Variants in UNC80 observed in about 807,000 individuals in gnomAD.
The protein encoded by UNC80 is protein unc-80 homolog.
Under a neutral mutation model 384.6 loss-of-function variants are expected in UNC80, and 164 were observed. That is an observed-to-expected ratio of 0.43 (90% CI 0.38 to 0.49). The LOEUF (loss-of-function observed/expected upper bound fraction) is 0.49. Among genes scored for constraint, UNC80 ranks in the 20% least tolerant of loss-of-function variants. The probability of loss-of-function intolerance (pLI) is 0.00; values close to 1 mark genes in which losing one functional copy is unlikely to be tolerated. For missense variants in UNC80, 3,330 were observed against 4,143.0 expected (o/e 0.80, Z 5.39); for synonymous variants, 1,486 against 1,527.8 (o/e 0.97, Z 0.64).
At position 209,939,586 on chromosome 2, in the gene UNC80, C is replaced by G; in HGVS notation, c.6580C>G (p.Leu2194Val). The G allele has an allele frequency of 6.4e-7, 1 of 1,551,932 alleles. No homozygotes were observed. Among genetic ancestry groups the G allele is most frequent in the Non-Finnish European group, 8.7e-7 (1 of 1,146,988 alleles). ...CGTCTCCATGCTTCAGGAAGACCTC[C>G]TCCGCCTGCCCTCATTCCCTCGTAG... ...SHVSMLQEDL[L>V]RLPSFPRSAI... The change falls in exon 43 of 65, where the codon CTC becomes GTC. Residue 2194 changes from leucine (L) to valine (V), a missense_variant. By Grantham distance (32) the Leu-to-Val change is conservative. Around this residue, in one of 8 missense-constraint regions of UNC80, gnomAD observed 1,049 missense variants for 1,488.6 expected, o/e 0.70. Coordinates refer to ENST00000673920, the MANE Select transcript of UNC80 (RefSeq NM_001371986.1).
intron 25 of UNC80, among the ~76,000 whole-genome samples, chr2:209,882,169 T>C (rs1244152981): frequency 6.6e-6 from 1 of 152,018 alleles, no homozygotes; most frequent in Non-Finnish European, 1.5e-5. Flanking sequence ...GGTTTCACCA[T>C]GTTAGCCGGG....
rs187740752 is a variant in UNC80, at chr2:209,850,936, T to C, written c.3627+1313T>C. ...ACTTAGCTGTCACTCTTTTGAGTCCTGCATGGTTTGTCTTAATCACATCTT... is the reference window on the plus strand; with the variant it reads ...ACTTAGCTGTCACTCTTTTGAGTCCCGCATGGTTTGTCTTAATCACATCTT... On this transcript the variant is annotated intron_variant, in intron 22 of 64. Coordinates refer to ENST00000673920, the MANE Select transcript of UNC80 (RefSeq NM_001371986.1). 2.6e-5 allele frequency among the ~76,000 whole-genome samples: 4 copies of C among 152,236 alleles called. No homozygotes were observed. In the East Asian group the frequency reaches 7.7e-4, roughly 29 times the overall value.
In UNC80 at chr2:209,937,590, A is replaced by G; in HGVS notation, c.6425A>G (p.His2142Arg). The change falls in exon 42 of 65, where the codon CAT becomes CGT. Residue 2142 changes from histidine to arginine, a missense_variant. His to Arg is a conservative substitution (Grantham distance 29, BLOSUM62 0). Coordinates refer to ENST00000673920, the MANE Select transcript of UNC80 (RefSeq NM_001371986.1). ...GTATCTCCCCAGCTGAATCTTGTACATATGCATCCAGAGAAGGGACAGGAG... is the reference window on the plus strand; with the variant it reads ...GTATCTCCCCAGCTGAATCTTGTACGTATGCATCCAGAGAAGGGACAGGAG... The part of the protein sequence containing the change: ...RSVSPQLNLV[H>R]MHPEKGQELI... 1 of 1,551,954 alleles carries G rather than the reference A, an allele frequency of 6.4e-7. No homozygotes were observed. Among genetic ancestry groups the G allele is most frequent in the Non-Finnish European group, 8.7e-7 (1 of 1,146,914 alleles).
chr2:209,972,158 G>A lies in UNC80; in HGVS notation c.8257-43G>A, dbSNP rs746722793. 23 of 1,542,676 alleles carry A rather than the reference G, an allele frequency of 1.5e-5. No homozygotes were observed. In the African/African-American group the frequency reaches 2.8e-4, roughly 18 times the overall value. The stretch of plus-strand genomic sequence containing the variant: ...GTGTAAAAACAAACATACTAAATGG[G>A]TGTGGTGGTCAATTAATCTTTTCTT... On this transcript the variant is annotated intron_variant, in intron 54 of 64. Transcript: ENST00000673920.
rs888781987 is a variant in UNC80 at position 209,987,874 on chromosome 2, T to TA, written c.9314+2971dup. 8.3e-4 allele frequency among the ~76,000 whole-genome samples: 125 copies of TA among 150,500 alleles called. 1 individual carries two copies. The highest frequency in any genetic ancestry group is 9.9e-4 in the Non-Finnish European group (67 of 67,510). The stretch of plus-strand genomic sequence containing the variant: ...CAAGTACTCTCAAAATACCAAAAAA[T>TA]AAAAAAAAATAAAAAAACCTTTTTA... On this transcript the variant is annotated intron_variant, in intron 61 of 64. Coordinates refer to ENST00000673920, the MANE Select transcript of UNC80 (RefSeq NM_001371986.1).
intron 22 of UNC80, among the ~76,000 whole-genome samples, chr2:209,858,476 G>A (rs547667001): frequency 6.6e-6 from 1 of 152,220 alleles, no homozygotes; most frequent in East Asian, 1.9e-4. Flanking sequence ...GGGAGGCCAA[G>A]GTGGGCGGAT....
At chr2:209,969,635 G>C in intron 52 of UNC80, 133 bp from the exon 53 acceptor site, 1 of 1,282,564 alleles carries the variant, frequency 7.8e-7, no homozygotes, top group Non-Finnish European at 1.1e-6. Flanking sequence ...CTGTGCTTTT[G>C]GAACAATATG....
intron 16 of UNC80, among the ~76,000 whole-genome samples, chr2:209,832,298 C>G (rs1248744492): frequency 6.6e-6 from 1 of 151,884 alleles, no homozygotes; most frequent in Non-Finnish European, 1.5e-5. Context: ...TCCCCAAAAC[C>G]TATAGAAATA....
chr2:209,790,071 C>A (rs370510703), intron 6 of UNC80, among the ~76,000 whole-genome samples: 12 of 151,998 alleles, frequency 7.9e-5, no homozygotes, highest in African/African-American at 2.9e-4. Context: ...CTTAAGGAAT[C>A]TAAAGTTTAA....
intron 16 of UNC80, 90 bp from the exon 17 acceptor site, chr2:209,833,912 A>G (rs1320953289): frequency 7.7e-7 from 1 of 1,299,940 alleles, no homozygotes; most frequent in Non-Finnish European, 1.1e-6. Context: ...ATCTAAGCCT[A>G]AGGAATTACT....
intron 37 of UNC80, among the ~76,000 whole-genome samples, chr2:209,930,174 A>G (rs1339110053): frequency 1.3e-5 from 2 of 152,064 alleles, no homozygotes; most frequent in African/African-American, 2.4e-5. Flanking sequence ...GTTTCTATAT[A>G]TATATATATT....
intron 40 of UNC80, among the ~76,000 whole-genome samples, 182 bp from the exon 41 acceptor site, chr2:209,936,662 G>A (rs936856768): frequency 4.0e-5 from 6 of 151,656 alleles, no homozygotes; most frequent in African/African-American, 1.5e-4. Flanking sequence ...GTGTGTGTAT[G>A]TGTATACACA....
At chr2:209,832,527 C>G (rs757296920) in intron 16 of UNC80, among the ~76,000 whole-genome samples, 1 of 152,104 alleles carries the variant, frequency 6.6e-6, no homozygotes, top group Non-Finnish European at 1.5e-5. Context: ...CTAATGTACT[C>G]AAATCAAGGA....
intron 6 of UNC80, among the ~76,000 whole-genome samples, chr2:209,791,973 C>T (rs771307706): frequency 5.3e-5 from 8 of 152,004 alleles, no homozygotes; most frequent in Admixed American, 6.6e-5. Flanking sequence ...TGAATTGACA[C>T]TGTAAAATGT....
intron 22 of UNC80, among the ~76,000 whole-genome samples, chr2:209,870,328 A>G (rs1017349437): frequency 2.0e-5 from 3 of 152,172 alleles, no homozygotes; most frequent in African/African-American, 7.2e-5. Context: ...AAACGTTCCA[A>G]CCTTTACCAG....
At chr2:209,843,365 C>T (rs2081911793) in intron 21 of UNC80, among the ~76,000 whole-genome samples, 1 of 151,990 alleles carries the variant, frequency 6.6e-6, no homozygotes, top group South Asian at 2.1e-4. Flanking sequence ...AGCTTTTTTT[C>T]ACATGGATGA....
At chr2:209,806,194 A>G (rs183096817) in intron 7 of UNC80, among the ~76,000 whole-genome samples, 286 of 152,348 alleles carry the variant, frequency 1.9e-3, no homozygotes, top group African/African-American at 6.6e-3. Flanking sequence ...TTTCTTATAT[A>G]ATCTTTCTCA....
intron 47 of UNC80, among the ~76,000 whole-genome samples, 152 bp downstream of exon 47, chr2:209,946,095 T>C (rs2091901650): frequency 6.6e-6 from 1 of 152,028 alleles, no homozygotes; most frequent in Non-Finnish European, 1.5e-5. Context: ...GTGTGGTGGC[T>C]CACACCTATA....
At chr2:209,874,493 G>A (rs912152893) in intron 23 of UNC80, among the ~76,000 whole-genome samples, 1 of 152,214 alleles carries the variant, frequency 6.6e-6, no homozygotes, top group Non-Finnish European at 1.5e-5. Context: ...CAGGCCAAGA[G>A]TCTTCTGACT....
Sources: gnomAD v4.1 joint callset for allele counts (sites outside exome capture counted in the v4.1 genomes callset) on GRCh38, gnomAD v4.1.1 for gene constraint, gnomAD v4.1.1 regional missense constraint, MANE v1.5 for transcripts, NCBI Gene and HGNC (gene_info 2026-07-23, HGNC 2026-07-21) for gene names.